Variants in ATRN observed in about 807,000 individuals in gnomAD.
ATRN encodes the protein attractin-2.
ATRN carries 54 observed loss-of-function variants against 178.7 expected under a neutral mutation model. The ratio of observed to expected loss-of-function variants is 0.30; its 90% CI spans 0.24 to 0.38. The LOEUF is 0.38. Among genes scored for constraint, ATRN ranks in the 10% least tolerant of loss-of-function variants. ATRN has a pLI of 1.00. For synonymous variants in ATRN, 636 were observed against 663.0 expected (o/e 0.96, Z 0.63); for missense variants, 1,443 against 1,815.1 (o/e 0.79, Z 3.73).
At chr20:3,530,440 C>CTT (rs543359433) in intron 1 of ATRN, among the ~76,000 whole-genome samples, 8 of 138,438 alleles carry the variant, frequency 5.8e-5, no homozygotes, top group African/African-American at 1.6e-4. Context: ...ATTTTTTTTT[C>CTT]TTTTTTTTTT....
In ATRN at chr20:3,565,390, A is replaced by AT; in HGVS notation, c.1830dup (p.Asp611Ter). The AT allele has an allele frequency of 6.2e-7, 1 of 1,614,138 alleles. No individual in the cohort carries two copies. The highest frequency in any genetic ancestry group is 8.5e-7 in the Non-Finnish European group (1 of 1,180,004). ...GTGCTTCCCAGACCTGATCTCCACCATGATGTCAACAGATTTGGCCATTCA... is the reference window on the plus strand; with the variant it reads ...GTGCTTCCCAGACCTGATCTCCACCATTGATGTCAACAGATTTGGCCATTCA... On this transcript the variant is annotated frameshift_variant, in exon 11 of 29. Coordinates refer to ENST00000262919, the MANE Select transcript of ATRN (RefSeq NM_139321.3). LOFTEE classifies it high-confidence loss of function.
chr20:3,549,906 T>C (rs964214728), intron 6 of ATRN, among the ~76,000 whole-genome samples: 3 of 152,230 alleles, frequency 2.0e-5, no homozygotes, highest in African/African-American at 7.2e-5. Flanking sequence ...ACCCAGCATC[T>C]GTTCATTAAG....
At chr20:3,491,277 C>T (rs879572286) in intron 1 of ATRN, among the ~76,000 whole-genome samples, 2 of 152,140 alleles carry the variant, frequency 1.3e-5, no homozygotes, top group African/African-American at 4.8e-5. Flanking sequence ...CTCCTACTTC[C>T]TCACTTCCAA....
chr20:3,498,358 A>G (rs2084909724), intron 1 of ATRN, among the ~76,000 whole-genome samples: 1 of 152,220 alleles, frequency 6.6e-6, no homozygotes, highest in Non-Finnish European at 1.5e-5. Flanking sequence ...CTGATACCAA[A>G]GCCAGGCAGA....
intron 25 of ATRN, among the ~76,000 whole-genome samples, chr20:3,628,740 G>T (rs147367499): frequency 1.1e-4 from 16 of 151,874 alleles, no homozygotes; most frequent in African/African-American, 3.9e-4. Context: ...ATACTTTTTG[G>T]TTCTCCTCTT....
At chr20:3,515,967 A>G (rs751359201) in intron 1 of ATRN, among the ~76,000 whole-genome samples, 5 of 152,214 alleles carry the variant, frequency 3.3e-5, no homozygotes, top group Non-Finnish European at 5.9e-5. Flanking sequence ...CTCATTAGTT[A>G]TTCTTTCTAC....
rs759517325 is a variant in ATRN at position 3,591,217 on chromosome 20, A to G, written c.3233A>G (p.Glu1078Gly). ...AAATGCATCAATCAGAGCATCTGTGAGAAGTGTGAGAACCTGACCACAGGC... is the reference window on the plus strand; with the variant it reads ...AAATGCATCAATCAGAGCATCTGTGGGAAGTGTGAGAACCTGACCACAGGC... ...HSKCINQSIC[E>G]KCENLTTGKH... The change falls in exon 19 of 29, where the codon GAG becomes GGG. Residue 1078 changes from glutamate to glycine, a missense_variant. Transcript: ENST00000262919. 1 of 1,614,076 alleles carries G rather than the reference A, an allele frequency of 6.2e-7. No homozygotes were observed. The highest frequency in any genetic ancestry group is 8.5e-7 in the Non-Finnish European group (1 of 1,180,024).
intron 6 of ATRN, among the ~76,000 whole-genome samples, chr20:3,550,727 G>A (rs1030136998): frequency 1.3e-5 from 2 of 152,128 alleles, no homozygotes; most frequent in Non-Finnish European, 2.9e-5. Flanking sequence ...AGTGGCACAG[G>A]TGGCACCCAG....
intron 26 of ATRN, among the ~76,000 whole-genome samples, chr20:3,637,928 T>C (rs1378537792): frequency 1.3e-5 from 2 of 152,292 alleles, no homozygotes; most frequent in East Asian, 3.9e-4. Context: ...GGAAGGGTTC[T>C]TTCAGTTCCT....
At chr20:3,507,984 T>C (rs894168683) in intron 1 of ATRN, among the ~76,000 whole-genome samples, 1 of 152,132 alleles carries the variant, frequency 6.6e-6, no homozygotes, top group African/African-American at 2.4e-5. Context: ...ATTACAGACA[T>C]GAGCCACCGC....
intron 18 of ATRN, among the ~76,000 whole-genome samples, chr20:3,590,404 C>G (rs190661502): frequency 3.3e-5 from 5 of 152,330 alleles, no homozygotes; most frequent in Admixed American, 3.3e-4. Flanking sequence ...AGGTTGTGCA[C>G]TATGTAAATG....
At chr20:3,626,231 CAAAAA>C (rs3084195) in intron 25 of ATRN, among the ~76,000 whole-genome samples, 1 of 99,556 alleles carries the variant, frequency 1.0e-5, no homozygotes, top group African/African-American at 3.8e-5. Context: ...GACCCTGTCT[CAAAAA>C]AAAAAAAAAA....
At chr20:3,606,343 C>T (rs2086676591) in intron 24 of ATRN, among the ~76,000 whole-genome samples, 1 of 152,112 alleles carries the variant, frequency 6.6e-6, no homozygotes, top group African/African-American at 2.4e-5. Context: ...TTTTTCTTTT[C>T]CTCGTTTTCT....
intron 5 of ATRN, among the ~76,000 whole-genome samples, chr20:3,548,131 C>T (rs898005934): frequency 6.6e-6 from 1 of 152,128 alleles, no homozygotes; most frequent in African/African-American, 2.4e-5. Context: ...CCAAACCTCC[C>T]AAGAATGGAG....
At chr20:3,514,001 G>A (rs6115929) in intron 1 of ATRN, among the ~76,000 whole-genome samples, 7,840 of 152,134 alleles carry the variant, frequency 0.052, 609 homozygotes, top group African/African-American at 0.17. Flanking sequence ...GGGCTGAGAC[G>A]ATGGGGTTTT....
Position 3,624,365 on chromosome 20 carries a change from T to C in ATRN, c.3802-146T>C, listed in dbSNP as rs2086920373. 8.4e-6 allele frequency: 6 copies of C among 713,558 alleles called. No individual in the cohort carries two copies. In the South Asian group the frequency reaches 1.0e-4, roughly 12 times the overall value. The allele number at this position is 713,558 out of a possible 1,614,324, so 44.2% of individuals were successfully genotyped here. On this transcript the variant is annotated intron_variant, in intron 24 of 28. Coordinates refer to ENST00000262919, the MANE Select transcript of ATRN (RefSeq NM_139321.3). ...CAACTAAACAAGTAAACTAAAGGGGTGAGGTACTTTTCCTTAAGTGAAAAA... is the reference window on the plus strand; with the variant it reads ...CAACTAAACAAGTAAACTAAAGGGGCGAGGTACTTTTCCTTAAGTGAAAAA...
rs1225165254 is a variant in ATRN at position 3,594,462 on chromosome 20, CT to C, written c.3323-12del. On this transcript the variant is annotated splice_polypyrimidine_tract_variant and intron_variant, in intron 19 of 28. Coordinates refer to ENST00000262919, the MANE Select transcript of ATRN (RefSeq NM_139321.3). ...TTTAAGCCAGTTGTGACCTCTGTTC[CT>C]TTTTCTTCTCTGCAGCATGCAAGTG... 1.9e-6 allele frequency: 3 copies of C among 1,582,004 alleles called. No homozygotes were observed. Among genetic ancestry groups the C allele is most frequent in the Non-Finnish European group, 1.7e-6 (2 of 1,159,096 alleles).
chr20:3,597,922 C>CT lies in ATRN; in HGVS notation c.3487dup (p.Tyr1163LeufsTer6). ...TTTCCATAGATACTCTTCTTATTGA[C>CT]TATCAGTTCACCTTTAGTCTATCCC... On this transcript the variant is annotated frameshift_variant, in exon 22 of 29. Coordinates refer to ENST00000262919, the MANE Select transcript of ATRN (RefSeq NM_139321.3). LOFTEE classifies it high-confidence loss of function. 2 of 1,602,882 alleles carry CT rather than the reference C, an allele frequency of 1.2e-6. No individual in the cohort carries two copies. The highest frequency in any genetic ancestry group is 1.7e-6 in the Non-Finnish European group (2 of 1,170,638).
At chr20:3,576,814 C>T in intron 13 of ATRN, 45 bp from the exon 14 acceptor site, 1 of 1,603,712 alleles carries the variant, frequency 6.2e-7, no homozygotes, top group Non-Finnish European at 8.5e-7. Context: ...ACCATAAGTT[C>T]TCTCTGTGGA....
Sources: allele counts gnomAD v4.1 joint callset (sites outside exome capture counted in the v4.1 genomes callset), GRCh38; gene constraint gnomAD v4.1.1; transcripts MANE v1.5; gene names NCBI Gene and HGNC (gene_info 2026-07-23, HGNC 2026-07-21).